The following CACNA1C variants were observed in gnomAD, a reference collection of about 807,000 sequenced individuals.
The protein encoded by CACNA1C is calcium voltage-gated channel subunit alpha1 C.
A neutral mutation model predicts 229.0 loss-of-function variants in CACNA1C; 30 were observed. That is an observed-to-expected ratio of 0.13 (90% CI 0.10 to 0.18). The LOEUF is 0.18. Among genes scored for constraint, CACNA1C ranks in the 10% least tolerant of loss-of-function variants. The pLI is 1.00. For synonymous variants in CACNA1C, 1,114 were observed against 1,132.5 expected, an observed-to-expected ratio of 0.98 and a Z score of 0.33; for missense variants, 1,658 against 2,845.0, an observed-to-expected ratio of 0.58 and a Z score of 9.49.
intron 3 of CACNA1C, among the ~76,000 whole-genome samples, chr12:2,208,706 G>A (rs770575884): frequency 4.5e-4 from 68 of 152,284 alleles, no homozygotes; most frequent in Non-Finnish European, 8.4e-4. Flanking sequence ...CTGAAGATCA[G>A]CCCAAATTGG....
At chr12:2,555,163 C>T (rs935742586) in intron 10 of CACNA1C, among the ~76,000 whole-genome samples, 4 of 152,152 alleles carry the variant, frequency 2.6e-5, no homozygotes, top group East Asian at 3.9e-4. Context: ...GCACCCCCAG[C>T]GCCAATCCTG....
At chr12:2,099,130 T>C (rs1046770924) in intron 1 of CACNA1C, among the ~76,000 whole-genome samples, 1 of 152,254 alleles carries the variant, frequency 6.6e-6, no homozygotes, top group Non-Finnish European at 1.5e-5. Flanking sequence ...CGCATAGCCC[T>C]GCTCATGCTT....
intron 10 of CACNA1C, among the ~76,000 whole-genome samples, chr12:2,550,383 C>T (rs1177291693): frequency 1.3e-5 from 2 of 152,116 alleles, no homozygotes; most frequent in African/African-American, 2.4e-5. Flanking sequence ...CAGTCCCTTT[C>T]GCCCCTCTTC....
At chr12:2,532,706 T>C (rs2099844099) in intron 9 of CACNA1C, among the ~76,000 whole-genome samples, 1 of 152,098 alleles carries the variant, frequency 6.6e-6, no homozygotes, top group Non-Finnish European at 1.5e-5. Context: ...AATCAGAACC[T>C]CTGTGTCCTT....
At chr12:2,251,486 G>A (rs1468240112) in intron 3 of CACNA1C, among the ~76,000 whole-genome samples, 1 of 152,182 alleles carries the variant, frequency 6.6e-6, no homozygotes, top group East Asian at 1.9e-4. Context: ...GTTGAGGTAG[G>A]TCAGGGAGGC....
intron 29 of CACNA1C, among the ~76,000 whole-genome samples, chr12:2,623,465 A>C (rs1290609687): frequency 6.6e-6 from 1 of 152,046 alleles, no homozygotes; most frequent in Non-Finnish European, 1.5e-5. Context: ...AATAAATAAT[A>C]AACACCTCTA....
intron 3 of CACNA1C, among the ~76,000 whole-genome samples, chr12:2,243,770 C>T (rs190831219): frequency 1.3e-5 from 2 of 152,312 alleles, no homozygotes; most frequent in African/African-American, 2.4e-5. Context: ...CTCACAAGGG[C>T]ACTGTTTATC....
chr12:2,371,911 A>G (rs1232415107), intron 3 of CACNA1C, among the ~76,000 whole-genome samples: 3 of 152,054 alleles, frequency 2.0e-5, no homozygotes, highest in Non-Finnish European at 4.4e-5. Context: ...GGATGCTGCA[A>G]TTTTCTTCCT....
chr12:2,166,637 G>A (rs891482761), intron 3 of CACNA1C, among the ~76,000 whole-genome samples: 10 of 152,204 alleles, frequency 6.6e-5, no homozygotes, highest in African/African-American at 2.4e-4. Context: ...GCAATGTAAT[G>A]TATCCCTCAT....
intron 3 of CACNA1C, among the ~76,000 whole-genome samples, chr12:2,347,158 G>A (rs563981626): frequency 6.6e-6 from 1 of 152,318 alleles, no homozygotes; most frequent in East Asian, 1.9e-4. Flanking sequence ...GGGTATGTGA[G>A]CCTGCCATGT....
chr12:2,078,983 C>A (rs1446220888), intron 1 of CACNA1C, among the ~76,000 whole-genome samples: 1 of 151,976 alleles, frequency 6.6e-6, no homozygotes, highest in Non-Finnish European at 1.5e-5. Flanking sequence ...TTTGTAGGGA[C>A]ATGGATGAAG....
intron 3 of CACNA1C, among the ~76,000 whole-genome samples, chr12:2,438,051 A>G (rs1596269152): frequency 1.6e-5 from 2 of 124,766 alleles, no homozygotes; most frequent in Admixed American, 1.5e-4. Flanking sequence ...GGTGGTGGTA[A>G]TGATGGTGGT....
At chr12:2,338,850 C>G (rs2096779039) in intron 3 of CACNA1C, among the ~76,000 whole-genome samples, 1 of 152,068 alleles carries the variant, frequency 6.6e-6, no homozygotes, top group Non-Finnish European at 1.5e-5. Context: ...TCCCCCAACA[C>G]ACCCCCAAGT....
intron 1 of CACNA1C, among the ~76,000 whole-genome samples, chr12:1,981,816 T>C (rs1032965326): frequency 1.3e-5 from 2 of 152,098 alleles, no homozygotes; most frequent in Admixed American, 1.3e-4. Flanking sequence ...TTTTGAAATA[T>C]GAGTAGAATT....
At chr12:1,994,712 T>C (rs1325501680) in intron 1 of CACNA1C, among the ~76,000 whole-genome samples, 2 of 152,312 alleles carry the variant, frequency 1.3e-5, no homozygotes, top group East Asian at 1.9e-4. Flanking sequence ...AGTGTTTTCA[T>C]ACAAGAATGA....
chr12:2,246,855 C>T (rs1383314522), intron 3 of CACNA1C, among the ~76,000 whole-genome samples: 1 of 152,190 alleles, frequency 6.6e-6, no homozygotes, highest in Non-Finnish European at 1.5e-5. Flanking sequence ...CTGTAATCTC[C>T]TGTCTTCAAG....
chr12:2,610,460 C>T, intron 27 of CACNA1C, 81 bp from the exon 28 acceptor site: 4 of 1,411,000 alleles, frequency 2.8e-6, no homozygotes, highest in Non-Finnish European at 3.9e-6. Context: ...GGTCTCATCA[C>T]ATCCCACACT....
intron 3 of CACNA1C, among the ~76,000 whole-genome samples, chr12:2,448,566 G>C (rs996243067): frequency 2.0e-5 from 3 of 152,116 alleles, no homozygotes; most frequent in African/African-American, 7.2e-5. Flanking sequence ...GAATCGGAGC[G>C]CGGTTTTCCA....
chr12:2,621,177 G>A (rs979665962), intron 29 of CACNA1C, among the ~76,000 whole-genome samples: 11 of 152,104 alleles, frequency 7.2e-5, no homozygotes, highest in Non-Finnish European at 1.2e-4. Context: ...ATCTTTATAG[G>A]GCTCACAGAG....
Sources: gnomAD v4.1 joint callset for allele counts (sites outside exome capture counted in the v4.1 genomes callset) on GRCh38, gnomAD v4.1.1 for gene constraint, MANE v1.5 for transcripts, NCBI Gene and HGNC (gene_info 2026-07-23, HGNC 2026-07-21) for gene names.